Variants in GRK3 observed in about 807,000 individuals in gnomAD.
The protein encoded by GRK3 is adrenergic, beta, receptor kinase 2.
Under a neutral mutation model 95.7 loss-of-function variants are expected in GRK3, and 54 were observed. The observed-to-expected ratio is 0.56, with a 90% confidence interval of 0.45 to 0.71. The LOEUF (loss-of-function observed/expected upper bound fraction) is 0.71. Among genes scored for constraint, GRK3 ranks in the 30% least tolerant of loss-of-function variants. GRK3 has a pLI of 0.00. For synonymous variants in GRK3, 281 were observed against 290.8 expected (o/e 0.97, Z 0.34); for missense variants, 649 against 851.2 (o/e 0.76, Z 2.96).
chr22:25,582,397 T>A (rs1278517193), intron 1 of GRK3, among the ~76,000 whole-genome samples: 1 of 152,062 alleles, frequency 6.6e-6, no homozygotes, highest in Admixed American at 6.6e-5. Context: ...CTGAGTAAAT[T>A]GAGAGCTGTA....
chr22:25,721,632 G>A (rs2085433396), intron 20 of GRK3, among the ~76,000 whole-genome samples: 1 of 152,142 alleles, frequency 6.6e-6, no homozygotes, highest in Non-Finnish European at 1.5e-5. Flanking sequence ...TGGAAAATCT[G>A]CTCAGTATTT....
intron 2 of GRK3, among the ~76,000 whole-genome samples, chr22:25,618,119 AAC>A (rs1327078972): frequency 6.6e-6 from 1 of 152,200 alleles, no homozygotes; most frequent in Non-Finnish European, 1.5e-5. Context: ...ACGTGCATTT[AAC>A]ACAGTTCACT....
At chr22:25,576,591 TAGA>T (rs1931908399) in intron 1 of GRK3, among the ~76,000 whole-genome samples, 1 of 152,228 alleles carries the variant, frequency 6.6e-6, no homozygotes, top group South Asian at 2.1e-4. Flanking sequence ...CATCTTATTT[TAGA>T]AGAAGGAAAT....
intron 9 of GRK3, among the ~76,000 whole-genome samples, chr22:25,682,167 T>G (rs1203155306): frequency 6.6e-6 from 1 of 152,198 alleles, no homozygotes; most frequent in African/African-American, 2.4e-5. Flanking sequence ...TGGTAATGAC[T>G]AGACAGTAAG....
intron 13 of GRK3, among the ~76,000 whole-genome samples, chr22:25,700,078 A>T (rs1193342015): frequency 1.3e-5 from 2 of 152,114 alleles, no homozygotes; most frequent in African/African-American, 4.8e-5. Context: ...TGCACACTTC[A>T]TTTTGTCTTT....
At chr22:25,662,932 T>C (rs1333992787) in intron 4 of GRK3, among the ~76,000 whole-genome samples, 2 of 152,122 alleles carry the variant, frequency 1.3e-5, no homozygotes, top group African/African-American at 4.8e-5. Context: ...TCCCCCTAGT[T>C]CCCCTCGCTG....
At chr22:25,637,197 C>T (rs1434300208) in intron 2 of GRK3, among the ~76,000 whole-genome samples, 1 of 152,190 alleles carries the variant, frequency 6.6e-6, no homozygotes, top group African/African-American at 2.4e-5. Flanking sequence ...TCCTGGTTCT[C>T]AGACCTTTGG....
chr22:25,580,928 A>G (rs1156773864), intron 1 of GRK3: 1 of 152,266 alleles, frequency 6.6e-6, no homozygotes, highest in Non-Finnish European at 1.5e-5. Context: ...GTTCGAGACC[A>G]GCTTGGGCAA....
rs554691924 is a variant in GRK3 at position 25,670,642 on chromosome 22, C to T, written c.504-1654C>T. Among the ~76,000 whole-genome samples, 16 of 152,262 alleles carry T rather than the reference C, an allele frequency of 1.1e-4. No homozygotes were observed. The East Asian group carries it at 3.1e-3, about 29-fold the overall frequency. On this transcript the variant is annotated intron_variant, in intron 6 of 20. Coordinates refer to ENST00000324198, the MANE Select transcript of GRK3 (RefSeq NM_005160.4). The stretch of plus-strand genomic sequence containing the variant: ...CCCTTCCTCCCTTCCTCCCTCTCTC[C>T]CTGAATCCTGTGTCTGTGTAAGGAA...
intron 2 of GRK3, among the ~76,000 whole-genome samples, chr22:25,626,097 G>A (rs1039525638): frequency 2.6e-4 from 39 of 152,152 alleles, no homozygotes; most frequent in African/African-American, 9.4e-4. Context: ...CCGCACATGG[G>A]GAGAGACCCA....
At chr22:25,661,062 G>T (rs1311686584) in intron 3 of GRK3, among the ~76,000 whole-genome samples, 1 of 152,196 alleles carries the variant, frequency 6.6e-6, no homozygotes, top group East Asian at 1.9e-4. Flanking sequence ...TCATCTGTGG[G>T]TTAATTCCTT....
chr22:25,645,347 C>T (rs1231148671), intron 3 of GRK3, among the ~76,000 whole-genome samples: 2 of 152,202 alleles, frequency 1.3e-5, no homozygotes, highest in East Asian at 1.9e-4. Flanking sequence ...CCTAGGGTTT[C>T]TGTTGATTTC....
intron 5 of GRK3, 145 bp from the exon 6 acceptor site, chr22:25,667,594 C>T: frequency 6.7e-6 from 4 of 598,046 alleles, no homozygotes; most frequent in Non-Finnish European, 6.1e-6. Context: ...GAATATTAGA[C>T]AAGCACGGAG....
chr22:25,649,691 A>G (rs1396904904), intron 3 of GRK3, among the ~76,000 whole-genome samples: 1 of 152,216 alleles, frequency 6.6e-6, no homozygotes, highest in East Asian at 1.9e-4. Flanking sequence ...AAACTTTCTT[A>G]TATTTATTAT....
intron 1 of GRK3, chr22:25,581,174 T>C (rs1387990439): frequency 1.3e-5 from 2 of 152,224 alleles, no homozygotes; most frequent in Admixed American, 1.3e-4. Flanking sequence ...AGTAGCAGAT[T>C]ACAATCTTGG....
At chr22:25,628,098 G>A (rs763745872) in intron 2 of GRK3, among the ~76,000 whole-genome samples, 2 of 152,162 alleles carry the variant, frequency 1.3e-5, no homozygotes, top group African/African-American at 4.8e-5. Flanking sequence ...CCTAAGAAAA[G>A]ATTTTCAATG....
At position 25,565,103 on chromosome 22, in the gene GRK3, G is replaced by A; in HGVS notation, c.63G>A (p.Lys21=). ...ACCTGATGGCCATGGAGAAGAGCAAGGCGACCCCGGCCGCCCGCGCCAGCA... is the reference window on the plus strand; with the variant it reads ...ACCTGATGGCCATGGAGAAGAGCAAAGCGACCCCGGCCGCCCGCGCCAGCA... ...VSYLMAMEKS[K]ATPAARASKR... Residue 21 remains lysine (K), a synonymous_variant, in exon 1 of 21, where the codon AAG becomes AAA. Transcript: ENST00000324198. The A allele has an allele frequency of 6.5e-7, 1 of 1,548,118 alleles. No homozygotes were observed. Among genetic ancestry groups the A allele is most frequent in the South Asian group, 1.2e-5 (1 of 84,158 alleles).
At chr22:25,642,412 G>A (rs142672177) in intron 2 of GRK3, among the ~76,000 whole-genome samples, 2,792 of 152,216 alleles carry the variant, frequency 0.018, 154 homozygotes, top group Admixed American at 0.099. Context: ...CAGCCTGGGC[G>A]ACAGAGCAAG....
At chr22:25,699,720 A>C (rs2085242343) in intron 13 of GRK3, among the ~76,000 whole-genome samples, 1 of 128,996 alleles carries the variant, frequency 7.8e-6, no homozygotes, top group South Asian at 2.3e-4. Flanking sequence ...TTTTTTTGAG[A>C]CGAAGTCTCG....
Sources: allele counts gnomAD v4.1 joint callset (sites outside exome capture counted in the v4.1 genomes callset), GRCh38; gene constraint gnomAD v4.1.1; transcripts MANE v1.5; gene names NCBI Gene and HGNC (gene_info 2026-07-23, HGNC 2026-07-21).